The following RAB3GAP1 variants were observed in gnomAD, a reference collection of about 807,000 sequenced individuals.
RAB3GAP1 encodes RAB3 GTPase activating protein catalytic subunit 1, also known as rab3 GTPase-activating protein catalytic subunit.
In RAB3GAP1, 86 loss-of-function variants were observed where a neutral mutation model predicts 130.7. The ratio of observed to expected loss-of-function variants is 0.66; its 90% confidence interval spans 0.55 to 0.79. The LOEUF is 0.79. Ranked by LOEUF, RAB3GAP1 falls within the 30% of genes least tolerant of loss-of-function variation. The probability of loss-of-function intolerance (pLI) is 0.00; values close to 1 mark genes in which losing one functional copy is unlikely to be tolerated. For synonymous variants in RAB3GAP1, 367 were observed against 401.7 expected (o/e 0.91, Z 1.03); for missense variants, 1,029 against 1,169.4 (o/e 0.88, Z 1.75).
At position 135,162,976 on chromosome 2, in the gene RAB3GAP1, C is replaced by T; in HGVS notation, c.2491-10C>T. 6.2e-7 allele frequency: 1 copy of T among 1,607,614 alleles called. No individual in the cohort carries two copies. ...CTCGCAATGTATGCCTCTTCCTTTT[C>T]TACCGCCAGGAAATCATTCACCAGA... is the stretch of plus-strand genomic sequence containing the variant. On this transcript the variant is annotated splice_polypyrimidine_tract_variant and intron_variant, in intron 21 of 23. Coordinates refer to ENST00000264158, the MANE Select transcript of RAB3GAP1 (RefSeq NM_012233.3).
intron 14 of RAB3GAP1, 51 bp from the exon 15 acceptor site, chr2:135,133,810 G>A: frequency 6.5e-7 from 1 of 1,533,808 alleles, no homozygotes. Flanking sequence ...AGTTATATGT[G>A]TAAAATATTT....
At chr2:135,162,416 T>C (rs983371685) in intron 19 of RAB3GAP1, 139 bp from the exon 20 acceptor site, 1 of 713,826 alleles carries the variant, frequency 1.4e-6, no homozygotes, top group Non-Finnish European at 2.6e-6. Context: ...TATCCTCACC[T>C]TTGGGGTCGT....
intron 17 of RAB3GAP1, among the ~76,000 whole-genome samples, chr2:135,140,020 A>G (rs1691792220): frequency 6.6e-6 from 1 of 152,172 alleles, no homozygotes; most frequent in Admixed American, 6.5e-5. Context: ...TACATTATAT[A>G]CCATTGAGCT....
At chr2:135,093,743 C>A in intron 5 of RAB3GAP1, 50 bp downstream of exon 5, 1 of 1,339,580 alleles carries the variant, frequency 7.5e-7, no homozygotes, top group Non-Finnish European at 1.1e-6. Context: ...TTGCGGGGGA[C>A]CTCAACACTG....
At position 135,126,229 on chromosome 2, in the gene RAB3GAP1, T is replaced by C. The variant is rs143547678; in HGVS notation, c.879T>C (p.Ile293=). Residue 293 remains isoleucine (I), a synonymous_variant, in exon 10 of 24, where the codon ATT becomes ATC. Coordinates refer to ENST00000264158, the MANE Select transcript of RAB3GAP1 (RefSeq NM_012233.3). ...TTWPHLTEGI[I]VDNDVYSDLD... ...GGCCTCATCTGACCGAAGGGATCAT[T>C]GTGGATAATGATGTTTATTCGTAAG... 9.3e-6 allele frequency: 15 copies of C among 1,612,946 alleles called. No individual in the cohort carries two copies. The African/African-American group carries it at 1.2e-4, about 13-fold the overall frequency.
At position 135,052,479 on chromosome 2, in the gene RAB3GAP1, G is replaced by A. The variant is rs145829300; in HGVS notation, c.68G>A (p.Trp23Ter). Reference protein sequence around the residue: ...EITDFTTASEWERFISKVEEV... With the variant: ...EITDFTTASE The stretch of plus-strand genomic sequence containing the variant: ...ACGGACTTCACCACTGCCTCGGAAT[G>A]GGAAAGGTGAGTGAATCGCATTTTT... The change falls in exon 2 of 24, where the codon TGG becomes TAG. Residue 23 changes from tryptophan (W) to a stop codon, truncating the protein, a stop_gained. Transcript: ENST00000264158. LOFTEE classifies it high-confidence loss of function. 4.3e-6 allele frequency: 7 copies of A among 1,613,616 alleles called. No homozygotes were observed. In the African/African-American group the frequency reaches 8.0e-5, roughly 18 times the overall value.
chr2:135,129,050 G>C (rs1388689245), intron 11 of RAB3GAP1, among the ~76,000 whole-genome samples: 1 of 152,168 alleles, frequency 6.6e-6, no homozygotes, highest in Non-Finnish European at 1.5e-5. Flanking sequence ...TACCCAGGAG[G>C]CTGAGGTGGG....
chr2:135,103,926 C>T (rs1690521814), intron 5 of RAB3GAP1, among the ~76,000 whole-genome samples: 1 of 152,148 alleles, frequency 6.6e-6, no homozygotes, highest in East Asian at 1.9e-4. Context: ...TCTACACATC[C>T]GTAGATGACA....
At chr2:135,086,610 C>G (rs1261317497) in intron 3 of RAB3GAP1, among the ~76,000 whole-genome samples, 1 of 141,228 alleles carries the variant, frequency 7.1e-6, no homozygotes, top group African/African-American at 2.6e-5. Flanking sequence ...GTTGCAAGTG[C>G]TTTTTCAGGT....
At chr2:135,097,216 C>CTT (rs11396739) in intron 5 of RAB3GAP1, among the ~76,000 whole-genome samples, 11,108 of 139,876 alleles carry the variant, frequency 0.079, 1,007 homozygotes, top group African/African-American at 0.22. Context: ...GTCCTTCCCA[C>CTT]TTTTTTTTTT....
chr2:135,100,569 G>A (rs1011215450), intron 5 of RAB3GAP1, among the ~76,000 whole-genome samples: 1 of 152,138 alleles, frequency 6.6e-6, no homozygotes, highest in African/African-American at 2.4e-5. Context: ...TTTGCCGTAT[G>A]GTTGGAAGTC....
chr2:135,117,809 TTTCTTCTTCTTTC>T (rs1553445368), intron 7 of RAB3GAP1, among the ~76,000 whole-genome samples: 9,211 of 110,160 alleles, frequency 0.084, 601 homozygotes, highest in African/African-American at 0.21. Context: ...CTTCTTCTTC[TTTCTTCTTCTTTC>T]TTCTTCTTCT....
At chr2:135,069,895 A>T (rs199502929) in intron 3 of RAB3GAP1, among the ~76,000 whole-genome samples, 2 of 152,122 alleles carry the variant, frequency 1.3e-5, no homozygotes, top group African/African-American at 4.8e-5. Context: ...AGGAAAAAAA[A>T]TTTTTATCTG....
chr2:135,130,845 T>C, intron 13 of RAB3GAP1, 124 bp downstream of exon 13: 1 of 889,736 alleles, frequency 1.1e-6, no homozygotes. Flanking sequence ...TTACCACATT[T>C]AGAAAATTCC....
intron 13 of RAB3GAP1, among the ~76,000 whole-genome samples, chr2:135,130,932 CTGTGAGAGCACAGCAGGGG>C (rs1298504706): frequency 3.5e-4 from 54 of 152,148 alleles, no homozygotes; most frequent in Non-Finnish European, 7.1e-4. Flanking sequence ...GGCAAGGGGG[CTGTGAGAGCACAGCAGGGG>C]TGCATTTGTC....
rs558010880 is a variant in RAB3GAP1, at chr2:135,145,301, C to T, written c.1924-5068C>T. 4.0e-5 allele frequency among the ~76,000 whole-genome samples: 6 copies of T among 151,858 alleles called. No individual in the cohort carries two copies. In the South Asian group the frequency reaches 1.2e-3, roughly 32 times the overall value. On this transcript the variant is annotated intron_variant, in intron 17 of 23. Transcript: ENST00000264158. ...ATACATTGTTGTTAACCATAGTTAC[C>T]CTACTTTACTATTGAACATTAGAAC...
In RAB3GAP1 at chr2:135,130,612, A is replaced by T; in HGVS notation, c.1127A>T (p.His376Leu). The change falls in exon 13 of 24, where the codon CAT (histidine) becomes CTT (leucine). Residue 376 changes from histidine (H) to leucine (L), a missense_variant. Physicochemically the swap from His to Leu is moderately conservative, Grantham distance 99. Coordinates refer to ENST00000264158, the MANE Select transcript of RAB3GAP1 (RefSeq NM_012233.3). ...ACAGAGCCGGCATCAGTTCCAATTC[A>T]TAAATTATCAGTTTCAAATATGGTA... ...KLTEPASVPI[H>L]KLSVSNMVHT... The T allele has an allele frequency of 6.2e-7, 1 of 1,613,880 alleles. No individual in the cohort carries two copies. Among genetic ancestry groups the T allele is most frequent in the African/African-American group, 1.3e-5 (1 of 75,048 alleles).
intron 4 of RAB3GAP1, among the ~76,000 whole-genome samples, chr2:135,092,874 C>T (rs1279999209): frequency 6.6e-6 from 1 of 152,154 alleles, no homozygotes; most frequent in African/African-American, 2.4e-5. Flanking sequence ...CTCAGTTTTA[C>T]AGATACGCGT....
At chr2:135,124,024 T>G (rs539529422) in intron 8 of RAB3GAP1, 141 bp from the exon 9 acceptor site, 133 of 702,006 alleles carry the variant, frequency 1.9e-4, no homozygotes, top group Non-Finnish European at 2.5e-4. Context: ...CTACATATGC[T>G]GTAAGTTGGT....
Sources: allele counts gnomAD v4.1 joint callset (sites outside exome capture counted in the v4.1 genomes callset), GRCh38; gene constraint gnomAD v4.1.1; transcripts MANE v1.5; gene names NCBI Gene and HGNC (gene_info 2026-07-23, HGNC 2026-07-21).